The following NIBAN1 variants were observed in gnomAD, a reference collection of about 807,000 sequenced individuals.
NIBAN1 encodes niban apoptosis regulator 1, also known as protein Niban 1.
Under a neutral mutation model 75.1 loss-of-function variants are expected in NIBAN1, and 81 were observed. That is an observed-to-expected ratio of 1.08 (90% confidence interval 0.90 to 1.30). NIBAN1 has a LOEUF of 1.30. NIBAN1 is among the 50% of genes most tolerant of loss of function. The pLI is 0.00. For synonymous variants in NIBAN1, 436 were observed against 424.8 expected (o/e 1.03, Z -0.32); for missense variants, 1,133 against 1,128.1 (o/e 1.00, Z -0.06).
At chr1:184,815,877 A>C (rs1009066773) in intron 9 of NIBAN1, among the ~76,000 whole-genome samples, 12 of 152,212 alleles carry the variant, frequency 7.9e-5, no homozygotes, top group Non-Finnish European at 1.5e-4. Flanking sequence ...TTAGACTAAA[A>C]GGCAATAATT....
intron 1 of NIBAN1, among the ~76,000 whole-genome samples, chr1:184,958,642 T>C (rs910751683): frequency 5.3e-5 from 8 of 152,196 alleles, no homozygotes; most frequent in Non-Finnish European, 1.0e-4. Flanking sequence ...TGGCACATAG[T>C]AGGCACTCAA....
rs551076192 is a variant in NIBAN1 at position 184,806,470 on chromosome 1, G to T, written c.1336-414C>A. Reference sequence around the variant, plus strand: ...CTGCAGGGCTGGGAAGAGAGGCAGGGTCAGGGATGGGTGGGGACAGTGGCT... The same window carrying T: ...CTGCAGGGCTGGGAAGAGAGGCAGGTTCAGGGATGGGTGGGGACAGTGGCT... On this transcript the variant is annotated intron_variant, in intron 10 of 13. Coordinates refer to ENST00000367511, the MANE Select transcript of NIBAN1 (RefSeq NM_052966.4). Among the ~76,000 whole-genome samples, 7 of 152,308 alleles carry T rather than the reference G, an allele frequency of 4.6e-5. No homozygotes were observed. In the South Asian group the frequency reaches 6.2e-4, roughly 14 times the overall value.
intron 1 of NIBAN1, among the ~76,000 whole-genome samples, chr1:184,908,699 A>C (rs571507185): frequency 1.3e-5 from 2 of 152,310 alleles, no homozygotes; most frequent in Non-Finnish European, 2.9e-5. Flanking sequence ...TTCCACTTGG[A>C]AGAAGTGCTT....
At chr1:184,919,035 T>C (rs1201301248) in intron 1 of NIBAN1, among the ~76,000 whole-genome samples, 1 of 152,206 alleles carries the variant, frequency 6.6e-6, no homozygotes, top group Non-Finnish European at 1.5e-5. Flanking sequence ...AAAACTCCAT[T>C]CCAAAACTAT....
chr1:184,906,820 T>C (rs1302558465), intron 1 of NIBAN1, among the ~76,000 whole-genome samples: 2 of 152,180 alleles, frequency 1.3e-5, no homozygotes, highest in African/African-American at 4.8e-5. Flanking sequence ...GTAAAACTTT[T>C]ATGAAGTCTG....
At chr1:184,855,060 C>T (rs1031955603) in intron 5 of NIBAN1, among the ~76,000 whole-genome samples, 16 of 152,078 alleles carry the variant, frequency 1.1e-4, no homozygotes, top group African/African-American at 3.6e-4. Context: ...TTCATAGATC[C>T]TAATTGCATT....
intron 1 of NIBAN1, among the ~76,000 whole-genome samples, chr1:184,911,690 G>A (rs533539614): frequency 6.6e-6 from 1 of 152,230 alleles, no homozygotes; most frequent in Non-Finnish European, 1.5e-5. Context: ...TCATCTGCAT[G>A]GTATTTAAAA....
intron 1 of NIBAN1, among the ~76,000 whole-genome samples, chr1:184,954,964 C>T (rs1267829804): frequency 3.3e-5 from 5 of 152,112 alleles, no homozygotes; most frequent in Non-Finnish European, 7.4e-5. Context: ...GCCATGTGAG[C>T]CATAGATGTA....
rs1246005212 is a variant in NIBAN1 at position 184,823,253 on chromosome 1, G to A, written c.899C>T (p.Ala300Val). 8.1e-6 allele frequency: 13 copies of A among 1,614,064 alleles called. No individual in the cohort carries two copies. The South Asian group carries it at 1.3e-4, about 16-fold the overall frequency. ...GLSALKEECRALTKGLEGTIR... is the reference protein window; with the variant it reads ...GLSALKEECRVLTKGLEGTIR... ...CGTTCCTTCCAGGCCCTTTGTCAGA[G>A]CTCTGCATTCCTCCTTCAAGGCACT... Residue 300 changes from alanine to valine, a missense_variant, in exon 8 of 14, where the codon GCT (alanine) becomes GTT (valine). Transcript: ENST00000367511.
At chr1:184,821,154 T>G (rs908313777) in intron 8 of NIBAN1, among the ~76,000 whole-genome samples, 4 of 152,184 alleles carry the variant, frequency 2.6e-5, no homozygotes, top group African/African-American at 9.7e-5. Context: ...CTTCTTTGAG[T>G]CATTCCAGCC....
At chr1:184,815,866 T>C (rs1410515763) in intron 9 of NIBAN1, among the ~76,000 whole-genome samples, 1 of 152,204 alleles carries the variant, frequency 6.6e-6, no homozygotes, top group Non-Finnish European at 1.5e-5. Flanking sequence ...TTTTCCATGG[T>C]TTAGACTAAA....
chr1:184,823,777 C>A, intron 6 of NIBAN1, 35 bp from the exon 7 acceptor site: 1 of 1,577,330 alleles, frequency 6.3e-7, no homozygotes, highest in Non-Finnish European at 8.7e-7. Context: ...GTCGGTCAGT[C>A]GGTGATGGCT....
intron 5 of NIBAN1, among the ~76,000 whole-genome samples, chr1:184,857,706 CTT>C (rs1454542454): frequency 6.6e-6 from 1 of 151,962 alleles, no homozygotes; most frequent in African/African-American, 2.4e-5. Flanking sequence ...ACATATGTGT[CTT>C]GAGGTTATCT....
intron 1 of NIBAN1, 127 bp from the exon 2 acceptor site, chr1:184,899,436 C>G (rs981695626): frequency 1.1e-6 from 1 of 941,830 alleles, no homozygotes; most frequent in African/African-American, 1.7e-5. Flanking sequence ...TTCTATCCCT[C>G]CAGTCACCCC....
intron 1 of NIBAN1, among the ~76,000 whole-genome samples, chr1:184,946,075 T>G (rs1002454986): frequency 8.6e-5 from 13 of 151,208 alleles, no homozygotes; most frequent in African/African-American, 2.4e-4. Context: ...CAGGGACAGA[T>G]AGATTGAGAC....
chr1:184,864,847 T>A (rs1202069326), intron 5 of NIBAN1, among the ~76,000 whole-genome samples: 1 of 151,344 alleles, frequency 6.6e-6, no homozygotes, highest in Non-Finnish European at 1.5e-5. Context: ...AATGCATATG[T>A]ACCCTAAAAC....
At chr1:184,797,975 C>A in intron 13 of NIBAN1, 104 bp downstream of exon 13, 2 of 576,494 alleles carry the variant, frequency 3.5e-6, no homozygotes, top group South Asian at 2.8e-5. Flanking sequence ...TCACCAATGT[C>A]CATTTCCTCT....
chr1:184,823,735 C>T lies in NIBAN1; in HGVS notation c.725G>A (p.Ser242Asn). 6.2e-7 allele frequency: 1 copy of T among 1,614,082 alleles called. No homozygotes were observed. The highest frequency in any genetic ancestry group is 1.1e-5 in the South Asian group (1 of 91,076). Residue 242 changes from serine (S) to asparagine (N), a missense_variant, in exon 7 of 14, where the codon AGT becomes AAT. Ser to Asn is a conservative substitution (Grantham distance 46). Coordinates refer to ENST00000367511, the MANE Select transcript of NIBAN1 (RefSeq NM_052966.4). ...CAGGAGCTCCTCCATCACCAGGTTA[C>T]TCAGGATCTGCGCAGCAGAAGACAG... ...MITGDEIQILSNLVMEELLPT... is the reference protein window; with the variant it reads ...MITGDEIQILNNLVMEELLPT...
intron 1 of NIBAN1, among the ~76,000 whole-genome samples, chr1:184,917,551 T>C (rs1238214447): frequency 6.6e-6 from 1 of 151,878 alleles, no homozygotes; most frequent in Non-Finnish European, 1.5e-5. Flanking sequence ...TCTTCAAAAG[T>C]ATCCTTAAAC....
Sources: gnomAD v4.1 joint callset for allele counts (sites outside exome capture counted in the v4.1 genomes callset) on GRCh38, gnomAD v4.1.1 for gene constraint, MANE v1.5 for transcripts, NCBI Gene and HGNC (gene_info 2026-07-23, HGNC 2026-07-21) for gene names.